Variants in CDH4 observed in about 807,000 individuals in gnomAD.
CDH4 encodes the protein cadherin-4.
A neutral mutation model predicts 86.0 loss-of-function variants in CDH4; 33 were observed. The observed-to-expected ratio is 0.38, with a 90% CI of 0.29 to 0.51. CDH4 has a LOEUF of 0.51. Ranked by LOEUF, CDH4 falls within the 20% of genes least tolerant of loss-of-function variation. CDH4 has a pLI of 0.86. For missense variants in CDH4, 1,114 were observed against 1,307.4 expected (o/e 0.85, Z 2.28); for synonymous variants, 555 against 549.4 (o/e 1.01, Z -0.14).
chr20:61,786,429 A>G (rs554913504), intron 4 of CDH4, among the ~76,000 whole-genome samples: 2 of 152,184 alleles, frequency 1.3e-5, no homozygotes, highest in East Asian at 3.9e-4. Flanking sequence ...AGCCAGAGGG[A>G]TGTGAAGAAA....
intron 2 of CDH4, among the ~76,000 whole-genome samples, chr20:61,647,821 G>A (rs1422459476): frequency 1.3e-5 from 2 of 152,182 alleles, no homozygotes; most frequent in Non-Finnish European, 2.9e-5. Flanking sequence ...GTACAGCAAT[G>A]TGTCAGACTC....
intron 2 of CDH4, among the ~76,000 whole-genome samples, chr20:61,500,943 C>T (rs760634603): frequency 2.0e-5 from 3 of 152,224 alleles, no homozygotes; most frequent in Non-Finnish European, 4.4e-5. Context: ...TTCCTGAGCA[C>T]TCAGCTCTCT....
chr20:61,594,523 G>C (rs1443396609), intron 2 of CDH4, among the ~76,000 whole-genome samples: 1 of 152,214 alleles, frequency 6.6e-6, no homozygotes, highest in African/African-American at 2.4e-5. Context: ...GGCATGCTGT[G>C]CATGGAAGGA....
At chr20:61,439,768 G>A (rs1010283865) in intron 2 of CDH4, among the ~76,000 whole-genome samples, 2 of 152,260 alleles carry the variant, frequency 1.3e-5, no homozygotes, top group Non-Finnish European at 2.9e-5. Context: ...CAAATACAGA[G>A]GGGTAGGATT....
intron 14 of CDH4, 91 bp downstream of exon 14, chr20:61,933,215 T>TAAGA (rs769563488): frequency 4.7e-6 from 7 of 1,489,308 alleles, no homozygotes; most frequent in Non-Finnish European, 5.5e-6. Context: ...GGTTTAACAG[T>TAAGA]AAGACATTTC....
At chr20:61,426,647 G>A (rs1600968708) in intron 2 of CDH4, among the ~76,000 whole-genome samples, 1 of 152,202 alleles carries the variant, frequency 6.6e-6, no homozygotes, top group East Asian at 1.9e-4. Context: ...TGCAGTGCAG[G>A]CTTGGCCATT....
At chr20:61,929,543 T>G (rs2055082089) in intron 12 of CDH4, 66 bp from the exon 13 acceptor site, 2 of 1,276,524 alleles carry the variant, frequency 1.6e-6, no homozygotes, top group East Asian at 2.3e-5. Context: ...AGTCTTTTCC[T>G]TTGGACGTCT....
At chr20:61,286,821 C>CTTTG (rs923071022) in intron 2 of CDH4, among the ~76,000 whole-genome samples, 5 of 152,180 alleles carry the variant, frequency 3.3e-5, no homozygotes, top group Admixed American at 2.0e-4. Context: ...TCCTCTGGGA[C>CTTTG]TTTGTTTGTT....
chr20:61,851,526 C>T (rs1289869032), intron 5 of CDH4, among the ~76,000 whole-genome samples: 1 of 152,232 alleles, frequency 6.6e-6, no homozygotes, highest in African/African-American at 2.4e-5. Context: ...CTCTCACGGC[C>T]ACCCTGGGCT....
rs900428490 is a variant in CDH4 at position 61,762,001 on chromosome 20, C to T, written c.397-11002C>T. On this transcript the variant is annotated intron_variant, in intron 3 of 15. Transcript: ENST00000614565. ...GAGGGCTGGGCGCAAGGAAAAGCTG[C>T]AATGCTTTGCCTTTGCAGCCAGTCC... Among the ~76,000 whole-genome samples the T allele has an allele frequency of 3.9e-5, 6 of 152,362 alleles. No homozygotes were observed. The East Asian group carries it at 1.2e-3, about 29-fold the overall frequency.
intron 6 of CDH4, among the ~76,000 whole-genome samples, chr20:61,854,932 G>A (rs113389953): frequency 8.6e-6 from 1 of 116,622 alleles, no homozygotes; most frequent in Admixed American, 8.5e-5. Flanking sequence ...ACCCCCAGGG[G>A]TGCAGTGTGA....
chr20:61,599,849 C>G (rs2086584682), intron 2 of CDH4: 20 of 985,588 alleles, frequency 2.0e-5, no homozygotes, highest in Non-Finnish European at 2.4e-5. Context: ...GCCCGCTTCC[C>G]TTCGCCGCAC....
chr20:61,693,420 A>G (rs1297345365), intron 2 of CDH4, among the ~76,000 whole-genome samples: 1 of 152,166 alleles, frequency 6.6e-6, no homozygotes, highest in Non-Finnish European at 1.5e-5. Context: ...ACTGCATAGG[A>G]TCTTTGAGCA....
intron 3 of CDH4, among the ~76,000 whole-genome samples, chr20:61,761,195 A>T (rs2088628487): frequency 1.3e-5 from 2 of 152,156 alleles, no homozygotes; most frequent in Non-Finnish European, 2.9e-5. Context: ...TCCTCAGTAA[A>T]TATCCGTACT....
intron 2 of CDH4, among the ~76,000 whole-genome samples, chr20:61,395,375 T>G (rs2085010927): frequency 6.6e-6 from 1 of 152,164 alleles, no homozygotes; most frequent in African/African-American, 2.4e-5. Context: ...CAGAAGAACC[T>G]TTTTGCTCAT....
intron 11 of CDH4, among the ~76,000 whole-genome samples, chr20:61,927,134 C>A (rs1208725332): frequency 6.6e-6 from 1 of 152,210 alleles, no homozygotes; most frequent in Non-Finnish European, 1.5e-5. Context: ...AAGAGACATC[C>A]GTGGGATACA....
At chr20:61,609,750 G>A (rs985791110) in intron 2 of CDH4, among the ~76,000 whole-genome samples, 6 of 152,216 alleles carry the variant, frequency 3.9e-5, no homozygotes, top group Admixed American at 6.5e-5. Context: ...GCACATGTGC[G>A]TCTCAGCATG....
At chr20:61,860,099 G>A (rs1005275579) in intron 6 of CDH4, among the ~76,000 whole-genome samples, 2 of 152,370 alleles carry the variant, frequency 1.3e-5, no homozygotes, top group African/African-American at 4.8e-5. Context: ...CGGCAGTGAC[G>A]CTGTCATTGA....
At chr20:61,258,329 C>CAAAAAAAA (rs778048684) in intron 2 of CDH4, among the ~76,000 whole-genome samples, 8,519 of 61,604 alleles carry the variant, frequency 0.14, 1,294 homozygotes, top group Middle Eastern at 0.24. Flanking sequence ...GACTCCGTCT[C>CAAAAAAAA]AAAAAAAAAA....
Sources: gnomAD v4.1 joint callset for allele counts (sites outside exome capture counted in the v4.1 genomes callset) on GRCh38, gnomAD v4.1.1 for gene constraint, MANE v1.5 for transcripts, NCBI Gene and HGNC (gene_info 2026-07-23, HGNC 2026-07-21) for gene names.